The following RBMS3 variants were observed in gnomAD, a reference collection of about 807,000 sequenced individuals.
RBMS3 encodes RNA-binding motif, single-stranded-interacting protein 3.
A neutral mutation model predicts 66.8 loss-of-function variants in RBMS3; 27 were observed. The observed-to-expected ratio is 0.40, with a 90% confidence interval of 0.30 to 0.56. RBMS3 has a LOEUF of 0.56. RBMS3 is among the 20% of genes least tolerant of loss of function. The probability of loss-of-function intolerance (pLI) is 0.40; values close to 1 mark genes in which losing one functional copy is unlikely to be tolerated. For missense variants in RBMS3, 513 were observed against 549.5 expected, an observed-to-expected ratio of 0.93 and a Z score of 0.66; for synonymous variants, 188 against 183.0, an observed-to-expected ratio of 1.03 and a Z score of -0.22.
chr3:29,307,590 T>G (rs939429905), intron 1 of RBMS3, among the ~76,000 whole-genome samples: 1 of 151,894 alleles, frequency 6.6e-6, no homozygotes, highest in African/African-American at 2.4e-5. Flanking sequence ...TGTTGTTCAG[T>G]GCAAGGTGAA....
At chr3:29,624,608 G>A (rs1207562605) in intron 4 of RBMS3, among the ~76,000 whole-genome samples, 1 of 152,040 alleles carries the variant, frequency 6.6e-6, no homozygotes, top group Non-Finnish European at 1.5e-5. Flanking sequence ...AGAGAAAAGA[G>A]CAATATAAGA....
intron 11 of RBMS3, among the ~76,000 whole-genome samples, chr3:29,939,826 T>C (rs1044929081): frequency 4.6e-5 from 7 of 151,816 alleles, no homozygotes; most frequent in Non-Finnish European, 8.8e-5. Flanking sequence ...ACTAACCTCA[T>C]CTAATAATTT....
Position 29,474,037 on chromosome 3 carries a change from C to T in RBMS3, c.249-14404C>T, listed in dbSNP as rs34157058. On this transcript the variant is annotated intron_variant, in intron 2 of 14. Coordinates refer to ENST00000383767, the MANE Select transcript of RBMS3 (RefSeq NM_001003793.3). The stretch of plus-strand genomic sequence containing the variant: ...AGAGGCCGAGAGCGAGCAAGGGCTG[C>T]GAGGGCTGCCAGCACGCTGTCACCT... Among the ~76,000 whole-genome samples, 457 of 152,346 alleles carry T rather than the reference C, an allele frequency of 3.0e-3. 5 individuals carry two copies. Among genetic ancestry groups the T allele is most frequent in the Non-Finnish European group, 3.3e-3 (227 of 68,022 alleles).
chr3:29,307,172 C>T (rs1045056681), intron 1 of RBMS3, among the ~76,000 whole-genome samples: 23 of 151,900 alleles, frequency 1.5e-4, no homozygotes, highest in African/African-American at 5.1e-4. Context: ...TTACTTCCCT[C>T]CACTGACCAA....
At chr3:29,599,900 G>C (rs1175941266) in intron 4 of RBMS3, among the ~76,000 whole-genome samples, 2 of 151,544 alleles carry the variant, frequency 1.3e-5, no homozygotes, top group East Asian at 3.9e-4. Context: ...ACCCAAATCA[G>C]GAAATATACT....
chr3:29,474,548 A>G (rs914189127), intron 2 of RBMS3, among the ~76,000 whole-genome samples: 4 of 152,274 alleles, frequency 2.6e-5, no homozygotes, highest in African/African-American at 4.8e-5. Context: ...ATTTTTGCCT[A>G]TTTTACAACT....
intron 4 of RBMS3, among the ~76,000 whole-genome samples, chr3:29,727,489 G>T (rs938802442): frequency 6.6e-6 from 1 of 152,004 alleles, no homozygotes; most frequent in African/African-American, 2.4e-5. Flanking sequence ...CTAATATCCA[G>T]AATGTACAAG....
At chr3:29,870,573 G>C (rs1241797361) in intron 7 of RBMS3, among the ~76,000 whole-genome samples, 3 of 152,126 alleles carry the variant, frequency 2.0e-5, no homozygotes, top group African/African-American at 7.2e-5. Context: ...ACAAAATGTA[G>C]AGAGTTACAG....
rs376182437 is a variant in RBMS3 at position 29,692,945 on chromosome 3, A to G, written c.400-46775A>G. On this transcript the variant is annotated intron_variant, in intron 4 of 14. Coordinates refer to ENST00000383767, the MANE Select transcript of RBMS3 (RefSeq NM_001003793.3). ...ATGTTTTGGTACGGACAGATCCTTT[A>G]TATGACCACTGTGCTAAATATTTTT... Among the ~76,000 whole-genome samples, 6 of 152,310 alleles carry G rather than the reference A, an allele frequency of 3.9e-5. No individual in the cohort carries two copies. The East Asian group carries it at 9.6e-4, about 24-fold the overall frequency.
At position 30,003,864 on chromosome 3, in the gene RBMS3, C is replaced by A; in HGVS notation, c.*2C>A. ...TTCAATTGTTTTCACAGACCATAAA[C>A]AGGACTGAAGAATGTCTGTCTGAAT... is the stretch of plus-strand genomic sequence containing the variant. On this transcript the variant is annotated 3_prime_UTR_variant, in exon 15 of 15. Coordinates refer to ENST00000383767, the MANE Select transcript of RBMS3 (RefSeq NM_001003793.3). 1 of 1,454,512 alleles carries A rather than the reference C, an allele frequency of 6.9e-7. No homozygotes were observed. 90.1% of individuals were successfully genotyped at this position (1,454,512 alleles called of 1,614,324 possible).
chr3:29,369,169 A>T (rs904788727), intron 1 of RBMS3, among the ~76,000 whole-genome samples: 4 of 152,024 alleles, frequency 2.6e-5, no homozygotes, highest in Admixed American at 2.6e-4. Context: ...TTGAGAGTGG[A>T]GGGTCAGAGG....
At chr3:29,434,572 C>T (rs372190084) in intron 1 of RBMS3, among the ~76,000 whole-genome samples, 171 bp from the exon 2 acceptor site, 5 of 151,934 alleles carry the variant, frequency 3.3e-5, no homozygotes, top group South Asian at 2.1e-4. Context: ...AGGGCCAGGG[C>T]GGGGGACGAT....
intron 12 of RBMS3, among the ~76,000 whole-genome samples, chr3:29,950,758 A>G (rs1252388813): frequency 6.6e-6 from 1 of 151,822 alleles, no homozygotes; most frequent in Non-Finnish European, 1.5e-5. Context: ...GAAGCAATAT[A>G]TTACACGAAC....
intron 4 of RBMS3, among the ~76,000 whole-genome samples, chr3:29,705,823 A>T (rs6805978): frequency 0.086 from 13,151 of 152,230 alleles, 1,891 homozygotes; most frequent in African/African-American, 0.3. Context: ...TATTCAGATT[A>T]AAGAACTAAG....
At chr3:29,452,792 C>T (rs1336302202) in intron 2 of RBMS3, among the ~76,000 whole-genome samples, 1 of 152,148 alleles carries the variant, frequency 6.6e-6, no homozygotes, top group Non-Finnish European at 1.5e-5. Context: ...CACTATCCTT[C>T]CTGAGTAGCT....
At chr3:29,912,749 G>A (rs1233607689) in intron 10 of RBMS3, among the ~76,000 whole-genome samples, 2 of 151,990 alleles carry the variant, frequency 1.3e-5, no homozygotes, top group African/African-American at 4.8e-5. Context: ...AACCTATCTT[G>A]ATATAAGAAT....
intron 3 of RBMS3, among the ~76,000 whole-genome samples, chr3:29,494,246 AG>A (rs893584915): frequency 6.6e-6 from 1 of 152,256 alleles, no homozygotes; most frequent in African/African-American, 2.4e-5. Flanking sequence ...AGCATTTAAA[AG>A]AAAAGCTTTT....
At chr3:29,930,637 TATG>T in intron 10 of RBMS3, among the ~76,000 whole-genome samples, 1 of 152,180 alleles carries the variant, frequency 6.6e-6, no homozygotes, top group East Asian at 1.9e-4. Flanking sequence ...CCTCGGCAGT[TATG>T]ATAACCAAAA....
chr3:29,782,921 A>G (rs1468601351), intron 6 of RBMS3, among the ~76,000 whole-genome samples: 1 of 152,166 alleles, frequency 6.6e-6, no homozygotes, highest in Admixed American at 6.5e-5. Flanking sequence ...TCAACCAAGT[A>G]GAAGAAAGAA....
Sources: gnomAD v4.1 joint callset for allele counts (sites outside exome capture counted in the v4.1 genomes callset) on GRCh38, gnomAD v4.1.1 for gene constraint, MANE v1.5 for transcripts, NCBI Gene and HGNC (gene_info 2026-07-23, HGNC 2026-07-21) for gene names.